The following PDE1C variants were observed in gnomAD, a reference collection of about 807,000 sequenced individuals.
PDE1C encodes the protein phosphodiesterase 1C, also known as dual specificity calcium/calmodulin-dependent 3',5'-cyclic nucleotide phosphodiesterase 1C.
In PDE1C, 62 loss-of-function variants were observed where a neutral mutation model predicts 93.1. That is an observed-to-expected ratio of 0.67 (90% CI 0.54 to 0.82). The LOEUF (loss-of-function observed/expected upper bound fraction) is 0.82. Among genes scored for constraint, PDE1C ranks in the 40% least tolerant of loss-of-function variants. PDE1C has a pLI of 0.00. For missense variants in PDE1C, 742 were observed against 884.6 expected, an observed-to-expected ratio of 0.84 and a Z score of 2.04; for synonymous variants, 325 against 310.1, an observed-to-expected ratio of 1.05 and a Z score of -0.50.
intron 3 of PDE1C, among the ~76,000 whole-genome samples, chr7:32,155,614 A>G (rs1801520035): frequency 6.6e-6 from 1 of 152,212 alleles, no homozygotes; most frequent in African/African-American, 2.4e-5. Context: ...GCACCTTCCA[A>G]GCATTGAGCA....
chr7:31,688,407 T>C, the PDE1C span, among the ~76,000 whole-genome samples: 1 of 152,192 alleles, frequency 6.6e-6, no homozygotes. Flanking sequence ...CACATCCAAC[T>C]GAGAAAACCG....
intron 7 of PDE1C, among the ~76,000 whole-genome samples, chr7:31,860,541 T>A (rs1003747009): frequency 2.0e-5 from 3 of 152,206 alleles, no homozygotes; most frequent in Non-Finnish European, 2.9e-5. Flanking sequence ...ATGTATTACC[T>A]TTTCTGTTAA....
intron 2 of PDE1C, among the ~76,000 whole-genome samples, chr7:31,937,082 T>A (rs2128992115): frequency 6.6e-6 from 1 of 152,184 alleles, no homozygotes; most frequent in East Asian, 1.9e-4. Flanking sequence ...CAGCCTGAGT[T>A]AAGATAGGGG....
chr7:31,642,987 T>C, the PDE1C span: 303,862 of 1,613,822 alleles, frequency 0.19, 30,546 homozygotes, highest in Non-Finnish European at 0.2. Context: ...AAGACAGCCA[T>C]CTGTGGCAGC....
the PDE1C span, among the ~76,000 whole-genome samples, chr7:31,627,183 C>G: frequency 6.6e-6 from 1 of 152,168 alleles, no homozygotes; most frequent in Admixed American, 6.5e-5. Context: ...TCCCCGTTGT[C>G]CATGCAGTGC....
chr7:32,163,982 T>C (rs1802070497), intron 3 of PDE1C, among the ~76,000 whole-genome samples: 1 of 152,176 alleles, frequency 6.6e-6, no homozygotes, highest in Non-Finnish European at 1.5e-5. Flanking sequence ...ATTTTACTGT[T>C]TGCATGTGAA....
chr7:32,337,949 C>T (rs1379942552), intron 1 of PDE1C, among the ~76,000 whole-genome samples: 2 of 152,158 alleles, frequency 1.3e-5, no homozygotes, highest in African/African-American at 4.8e-5. Context: ...AAACTGGACT[C>T]TTACCTTACA....
At chr7:31,738,749 A>T in the PDE1C span, among the ~76,000 whole-genome samples, 1 of 152,142 alleles carries the variant, frequency 6.6e-6, no homozygotes, top group Non-Finnish European at 1.5e-5. Flanking sequence ...ACTCAGGAAG[A>T]CCTGGGTTGG....
chr7:32,250,485 A>G (rs993296000), intron 1 of PDE1C, among the ~76,000 whole-genome samples: 2 of 152,156 alleles, frequency 1.3e-5, no homozygotes, highest in Non-Finnish European at 2.9e-5. Flanking sequence ...TTCCCAGCCT[A>G]TTCTGATCCA....
At chr7:32,070,461 G>T, upstream of PDE1C, 1 of 1,585,084 alleles carries the variant, frequency 6.3e-7, no homozygotes, top group Non-Finnish European at 8.6e-7. Context: ...CCGTCTCCTC[G>T]CCCAGCTCGC....
chr7:32,306,798 G>C (rs1813015480), intron 1 of PDE1C, among the ~76,000 whole-genome samples: 1 of 152,174 alleles, frequency 6.6e-6, no homozygotes, highest in African/African-American at 2.4e-5. Flanking sequence ...GGAGTGGGAA[G>C]CATAAAACAC....
the PDE1C span, among the ~76,000 whole-genome samples, chr7:31,667,864 A>T: frequency 6.6e-6 from 1 of 151,862 alleles, no homozygotes; most frequent in Non-Finnish European, 1.5e-5. Context: ...CCACAGGAGG[A>T]TCTGTGACCA....
the PDE1C span, among the ~76,000 whole-genome samples, chr7:31,673,968 T>G: frequency 6.6e-6 from 1 of 152,196 alleles, no homozygotes; most frequent in Admixed American, 6.5e-5. Flanking sequence ...AAAAACTTGC[T>G]GGGGCATGCA....
the PDE1C span, among the ~76,000 whole-genome samples, chr7:31,664,988 G>T: frequency 6.6e-6 from 1 of 152,102 alleles, no homozygotes; most frequent in Non-Finnish European, 1.5e-5. Flanking sequence ...ATTTAAAATG[G>T]AATCTCCACT....
chr7:31,909,746 C>T (rs1311449858), intron 2 of PDE1C, among the ~76,000 whole-genome samples: 1 of 152,048 alleles, frequency 6.6e-6, no homozygotes, highest in African/African-American at 2.4e-5. Context: ...GTTCATTTTT[C>T]AGATGAGTTC....
At chr7:32,409,283 C>G (rs1278519262) in intron 1 of PDE1C, among the ~76,000 whole-genome samples, 1 of 152,058 alleles carries the variant, frequency 6.6e-6, no homozygotes, top group African/African-American at 2.4e-5. Context: ...ATCGCTTGAA[C>G]CCAGGAAGCA....
intron 17 of PDE1C, among the ~76,000 whole-genome samples, chr7:31,757,608 C>T (rs12666288): frequency 0.19 from 29,103 of 152,094 alleles, 3,307 homozygotes; most frequent in Admixed American, 0.26. Flanking sequence ...TACCATCTCA[C>T]ACCAGTTAGA....
At chr7:32,063,525 C>T (rs1370948260) in intron 1 of PDE1C, among the ~76,000 whole-genome samples, 1 of 152,170 alleles carries the variant, frequency 6.6e-6, no homozygotes, top group Non-Finnish European at 1.5e-5. Flanking sequence ...CACTTTGCTG[C>T]TAAATATTGA....
At chr7:31,873,266 T>C in intron 6 of PDE1C, 26 bp downstream of exon 6, 1 of 1,367,092 alleles carries the variant, frequency 7.3e-7, no homozygotes, top group Non-Finnish European at 1.0e-6. Flanking sequence ...AGTTTATTTA[T>C]TTTTTCTTTT....
Sources: gnomAD v4.1 joint callset for allele counts (sites outside exome capture counted in the v4.1 genomes callset) on GRCh38, gnomAD v4.1.1 for gene constraint, MANE v1.5 for transcripts, NCBI Gene and HGNC (gene_info 2026-07-23, HGNC 2026-07-21) for gene names.